Variants in DCHS2 observed in about 807,000 individuals in gnomAD.
The protein encoded by DCHS2 is dachsous cadherin-related 2, also known as protocadherin-23.
A neutral mutation model predicts 182.4 loss-of-function variants in DCHS2; 142 were observed. The ratio of observed to expected loss-of-function variants is 0.78; its 90% CI spans 0.68 to 0.89. The LOEUF (loss-of-function observed/expected upper bound fraction) is 0.89, where lower values mean the gene tolerates loss of function less well. Among genes scored for constraint, DCHS2 ranks in the 40% least tolerant of loss-of-function variants. DCHS2 has a pLI of 0.00. For missense variants in DCHS2, 4,319 were observed against 4,198.6 expected (o/e 1.03, Z -0.79); for synonymous variants, 1,740 against 1,663.3 (o/e 1.05, Z -1.12).
Position 154,234,115 on chromosome 4 carries a change from C to A in DCHS2, c.*421G>T. ...TCCCCTCTCTGCTATATGTTCTGAC[C>A]TAAACTCATTCTCCATTTAGCCTTT... On this transcript the variant is annotated 3_prime_UTR_variant, in exon 20 of 20. Transcript: ENST00000357232. The A allele has an allele frequency of 6.4e-6, 1 of 157,068 alleles. No homozygotes were observed. Among genetic ancestry groups the A allele is most frequent in the Non-Finnish European group, 1.4e-5 (1 of 71,374 alleles). The allele number at this position is 157,068 out of a possible 1,614,324, so 9.7% of individuals were successfully genotyped here. A position where few individuals can be genotyped will look rare whatever the true frequency, so the allele number is the denominator to read the frequency against.
Position 154,246,376 on chromosome 4 carries a change from T to C in DCHS2, c.6942-3604A>G, listed in dbSNP as rs551463885. On this transcript the variant is annotated intron_variant, in intron 16 of 19. Coordinates refer to ENST00000357232, the MANE Select transcript of DCHS2 (RefSeq NM_001358235.2). ...CTCCCAAAGAAAAGTGAACTCCATA[T>C]ACTGCCATTTGTATGTCATCCTGAA... Among the ~76,000 whole-genome samples, 26 of 152,286 alleles carry C rather than the reference T, an allele frequency of 1.7e-4. 1 individual carries two copies. In the South Asian group the frequency reaches 5.2e-3, roughly 30 times the overall value.
chr4:154,432,435 G>A (rs900142145), intron 1 of DCHS2, among the ~76,000 whole-genome samples: 5 of 152,126 alleles, frequency 3.3e-5, no homozygotes, highest in Non-Finnish European at 4.4e-5. Flanking sequence ...CAAAAGTTGT[G>A]TTGTAATAAC....
intron 1 of DCHS2, among the ~76,000 whole-genome samples, chr4:154,456,126 G>A (rs957822493): frequency 3.3e-5 from 5 of 151,526 alleles, no homozygotes; most frequent in East Asian, 1.9e-4. Flanking sequence ...TCCAGGCTGC[G>A]CTTCTATCTA....
chr4:154,321,303 A>G, intron 8 of DCHS2, 81 bp from the exon 9 acceptor site: 1 of 1,340,232 alleles, frequency 7.5e-7, no homozygotes, highest in Admixed American at 2.8e-5. Flanking sequence ...ATTATTTTGA[A>G]AGCAAATTCC....
chr4:154,480,043 A>C (rs1415848328), intron 1 of DCHS2, among the ~76,000 whole-genome samples: 1 of 152,224 alleles, frequency 6.6e-6, no homozygotes, highest in African/African-American at 2.4e-5. Flanking sequence ...ACTTCAAAGG[A>C]GAGTAAACAG....
intron 13 of DCHS2, among the ~76,000 whole-genome samples, chr4:154,296,518 G>C (rs1226414531): frequency 6.6e-6 from 1 of 152,122 alleles, no homozygotes; most frequent in Non-Finnish European, 1.5e-5. Flanking sequence ...AGACTGATTT[G>C]AAAATAGAAA....
intron 1 of DCHS2, among the ~76,000 whole-genome samples, chr4:154,395,158 T>C (rs1181010121): frequency 2.0e-5 from 3 of 152,186 alleles, no homozygotes; most frequent in Non-Finnish European, 4.4e-5. Context: ...AGTAAAAATA[T>C]GTTAGCTGTT....
At chr4:154,244,423 C>T (rs964967334) in intron 16 of DCHS2, among the ~76,000 whole-genome samples, 2 of 152,146 alleles carry the variant, frequency 1.3e-5, no homozygotes, top group East Asian at 3.9e-4. Flanking sequence ...CCTCTGAACA[C>T]GATGAAGGCT....
chr4:154,253,882 G>C (rs1284644473), intron 16 of DCHS2, among the ~76,000 whole-genome samples: 1 of 151,934 alleles, frequency 6.6e-6, no homozygotes, highest in Non-Finnish European at 1.5e-5. Flanking sequence ...AAACATAAAA[G>C]TAGTCTGGTG....
At chr4:154,448,686 G>T (rs951921426) in intron 1 of DCHS2, among the ~76,000 whole-genome samples, 1 of 151,954 alleles carries the variant, frequency 6.6e-6, no homozygotes, top group African/African-American at 2.4e-5. Flanking sequence ...TCCTTAACAC[G>T]GCCCCCTGCT....
intron 2 of DCHS2, among the ~76,000 whole-genome samples, chr4:154,369,917 G>A (rs1163596628): frequency 6.6e-6 from 1 of 152,158 alleles, no homozygotes; most frequent in Non-Finnish European, 1.5e-5. Context: ...CAATCAGCAG[G>A]TAGGGAACAT....
chr4:154,313,111 A>G (rs1035047614), intron 10 of DCHS2, among the ~76,000 whole-genome samples: 10 of 152,168 alleles, frequency 6.6e-5, no homozygotes, highest in Non-Finnish European at 1.5e-5. Context: ...TCAGTGTGGC[A>G]ATATACTGTT....
chr4:154,401,808 C>T (rs1179810290), intron 1 of DCHS2, among the ~76,000 whole-genome samples: 3 of 152,180 alleles, frequency 2.0e-5, no homozygotes, highest in East Asian at 1.9e-4. Flanking sequence ...GCCTGGTCAA[C>T]GTGGTGAAAC....
In DCHS2 at chr4:154,271,019, G is replaced by A. The variant is rs1733565208; in HGVS notation, c.6464-1006C>T. On this transcript the variant is annotated intron_variant, in intron 13 of 19. Transcript: ENST00000357232. The stretch of plus-strand genomic sequence containing the variant: ...TTCAGTTAGGTATAGGAATTGGAAA[G>A]ACAAAAGAGAAGGAAGTCATTTTAA... Among the ~76,000 whole-genome samples the A allele has an allele frequency of 2.0e-5, 3 of 152,222 alleles. No individual in the cohort carries two copies. In the South Asian group the frequency reaches 6.2e-4, roughly 32 times the overall value.
rs1313566877 is a variant in DCHS2 at position 154,329,698 on chromosome 4, T to C, written c.3743A>G (p.Asn1248Ser). The C allele has an allele frequency of 3.7e-6, 6 of 1,611,904 alleles. No individual in the cohort carries two copies. In the South Asian group the frequency reaches 4.4e-5, roughly 12 times the overall value. Reference protein sequence around the residue: ...KMNPNTGELINWVALDREHRG... With the variant: ...KMNPNTGELISWVALDREHRG... ...GTGCTCACGATCCAGTGCCACCCAA[T>C]TGATTAACTCTCCTGCAGAGTACAG... The change falls in exon 6 of 20, where the codon AAT becomes AGT. Residue 1248 changes from asparagine (N) to serine (S), a missense_variant. By Grantham distance (46) the Asn-to-Ser change is conservative. Transcript: ENST00000357232.
chr4:154,490,905 C>A lies in DCHS2; in HGVS notation c.451G>T (p.Val151Leu), dbSNP rs1471447772. 2 of 1,551,342 alleles carry A rather than the reference C, an allele frequency of 1.3e-6. No individual in the cohort carries two copies. The highest frequency in any genetic ancestry group is 2.0e-5 in the Admixed American group (1 of 51,010). The stretch of plus-strand genomic sequence containing the variant: ...TCGTTGACGCGAATCTCCACCTGCA[C>A]CACAGCGCCCAGCAGCGTGGCGGCG... ...FVAATLLGAV[V>L]QVEIRVNDVN... Residue 151 changes from valine to leucine, a missense_variant, in exon 1 of 20, where the codon GTG (valine) becomes TTG (leucine). Val to Leu is a conservative substitution (Grantham distance 32, BLOSUM62 1). Transcript: ENST00000357232.
At chr4:154,309,317 C>T (rs1286620770) in intron 10 of DCHS2, among the ~76,000 whole-genome samples, 1 of 152,096 alleles carries the variant, frequency 6.6e-6, no homozygotes, top group Non-Finnish European at 1.5e-5. Context: ...TAGGGTTTGC[C>T]ACAAAAGGAC....
intron 13 of DCHS2, among the ~76,000 whole-genome samples, chr4:154,296,730 G>A (rs991760747): frequency 3.3e-5 from 5 of 152,130 alleles, no homozygotes; most frequent in African/African-American, 1.2e-4. Flanking sequence ...TTGGAGTGAT[G>A]AAAATGTATA....
At chr4:154,445,973 C>T (rs956379605) in intron 1 of DCHS2, among the ~76,000 whole-genome samples, 2 of 152,096 alleles carry the variant, frequency 1.3e-5, no homozygotes, top group South Asian at 4.1e-4. Context: ...AGGGTACAAT[C>T]AGAAAAAGAG....
Sources: gnomAD v4.1 joint callset for allele counts (sites outside exome capture counted in the v4.1 genomes callset) on GRCh38, gnomAD v4.1.1 for gene constraint, MANE v1.5 for transcripts, NCBI Gene and HGNC (gene_info 2026-07-23, HGNC 2026-07-21) for gene names.